Variants in AKAP6 observed in about 807,000 individuals in gnomAD.
AKAP6 encodes A-kinase anchoring protein 6, also known as A-kinase anchor protein 6.
Under a neutral mutation model 188.5 loss-of-function variants are expected in AKAP6, and 58 were observed. That is an observed-to-expected ratio of 0.31 (90% CI 0.25 to 0.38). The LOEUF (loss-of-function observed/expected upper bound fraction) is 0.38. Among genes scored for constraint, AKAP6 ranks in the 10% least tolerant of loss-of-function variants. AKAP6 has a pLI of 1.00. For missense variants in AKAP6, 2,710 were observed against 2,740.0 expected (o/e 0.99, Z 0.24); for synonymous variants, 989 against 998.6 (o/e 0.99, Z 0.18).
intron 7 of AKAP6, among the ~76,000 whole-genome samples, chr14:32,666,687 T>A (rs1236562504): frequency 6.6e-6 from 1 of 152,140 alleles, no homozygotes; most frequent in Admixed American, 6.6e-5. Context: ...ATCCTTAATA[T>A]AGAGTCTTAT....
chr14:32,531,554 A>G (rs1293614258), intron 2 of AKAP6, among the ~76,000 whole-genome samples: 4 of 152,208 alleles, frequency 2.6e-5, no homozygotes, highest in African/African-American at 4.8e-5. Context: ...AGCTTAACCC[A>G]TGTGTAGATT....
intron 1 of AKAP6, among the ~76,000 whole-genome samples, chr14:32,388,753 G>T (rs1888612352): frequency 6.6e-6 from 1 of 152,068 alleles, no homozygotes; most frequent in Non-Finnish European, 1.5e-5. Flanking sequence ...AATTTATTGA[G>T]GCTTGTTTTG....
At chr14:32,401,283 G>A (rs1403525515) in intron 1 of AKAP6, among the ~76,000 whole-genome samples, 1 of 152,174 alleles carries the variant, frequency 6.6e-6, no homozygotes, top group Non-Finnish European at 1.5e-5. Flanking sequence ...AAATTGAAAT[G>A]AGTCAGGGTT....
intron 2 of AKAP6, among the ~76,000 whole-genome samples, chr14:32,461,350 C>G (rs1016117772): frequency 5.3e-5 from 8 of 152,158 alleles, no homozygotes; most frequent in African/African-American, 1.7e-4. Context: ...AGGCCAGTGC[C>G]CCTCTGGGAC....
chr14:32,688,454 G>A (rs1890026330), intron 8 of AKAP6, among the ~76,000 whole-genome samples: 1 of 152,044 alleles, frequency 6.6e-6, no homozygotes, highest in South Asian at 2.1e-4. Flanking sequence ...AGTAAAGTAA[G>A]AAAATAAACA....
chr14:32,356,469 C>T (rs1887489111), intron 1 of AKAP6, among the ~76,000 whole-genome samples: 2 of 152,190 alleles, frequency 1.3e-5, no homozygotes, highest in Non-Finnish European at 2.9e-5. Context: ...CATCTCTCAT[C>T]TGCTCTGTGG....
At chr14:32,483,611 A>G (rs1284744929) in intron 2 of AKAP6, among the ~76,000 whole-genome samples, 1 of 152,036 alleles carries the variant, frequency 6.6e-6, no homozygotes, top group Non-Finnish European at 1.5e-5. Context: ...CAGCCTCCTG[A>G]GTAGCTGGGA....
At chr14:32,551,049 A>G (rs945172133) in intron 4 of AKAP6, among the ~76,000 whole-genome samples, 1 of 152,140 alleles carries the variant, frequency 6.6e-6, no homozygotes, top group Non-Finnish European at 1.5e-5. Context: ...TCCTACATGG[A>G]CTGTTCCCTG....
intron 3 of AKAP6, among the ~76,000 whole-genome samples, chr14:32,540,159 TCTCTC>T (rs1566563391): frequency 5.0e-5 from 6 of 119,068 alleles, no homozygotes; most frequent in African/African-American, 1.8e-4. Context: ...TCTCTCTCTC[TCTCTC>T]TCTCTATATA....
In AKAP6 at chr14:32,485,755, T is replaced by G. The variant is rs191708234; in HGVS notation, c.325-49799T>G. 1.1e-3 allele frequency among the ~76,000 whole-genome samples: 168 copies of G among 152,318 alleles called. 4 individuals carry two copies. In the East Asian group the frequency reaches 0.026, roughly 24 times the overall value. ...ATAGATTGCAAAATTTTTCTCCCAT[T>G]CTGTAGGTTGCCTGTTCACTCTGAT... On this transcript the variant is annotated intron_variant, in intron 2 of 13. Coordinates refer to ENST00000280979, the MANE Select transcript of AKAP6 (RefSeq NM_004274.5).
At chr14:32,587,337 C>T (rs185840455) in intron 5 of AKAP6, among the ~76,000 whole-genome samples, 67 of 152,114 alleles carry the variant, frequency 4.4e-4, no homozygotes, top group African/African-American at 1.3e-3. Context: ...TAAAAGCATA[C>T]GGATATCTCA....
Position 32,824,054 on chromosome 14 carries a change from G to A in AKAP6, c.6241G>A (p.Val2081Met). 1 of 1,613,902 alleles carries A rather than the reference G, an allele frequency of 6.2e-7. No individual in the cohort carries two copies. The highest frequency in any genetic ancestry group is 1.1e-5 in the South Asian group (1 of 91,074). Residue 2081 changes from valine (V) to methionine (M), a missense_variant, in exon 13 of 14, where the codon GTG (valine) becomes ATG (methionine). Transcript: ENST00000280979. The stretch of plus-strand genomic sequence containing the variant: ...AAGTAAATCTCAACCTGAAAACGAG[G>A]TGGCTGCTCCTACTTCATTAACTCA... ...LKSKSQPENE[V>M]AAPTSLTQIK...
intron 6 of AKAP6, 151 bp from the exon 7 acceptor site, chr14:32,600,478 T>C (rs1180058834): frequency 1.2e-6 from 1 of 862,374 alleles, no homozygotes; most frequent in East Asian, 2.9e-5. Flanking sequence ...GTCTCTATTC[T>C]GAGTGACAAA....
At chr14:32,347,045 G>A (rs989067634) in intron 1 of AKAP6, among the ~76,000 whole-genome samples, 7 of 152,196 alleles carry the variant, frequency 4.6e-5, no homozygotes, top group Admixed American at 2.6e-4. Flanking sequence ...TTGATAGATT[G>A]ATGAACTCTC....
chr14:32,598,271 A>G (rs1372594809), intron 5 of AKAP6, among the ~76,000 whole-genome samples: 1 of 152,194 alleles, frequency 6.6e-6, no homozygotes, highest in African/African-American at 2.4e-5. Context: ...AAACATATAT[A>G]TTTTGGAGAC....
intron 1 of AKAP6, among the ~76,000 whole-genome samples, chr14:32,375,153 C>T (rs1234724484): frequency 6.6e-6 from 1 of 151,958 alleles, no homozygotes; most frequent in Non-Finnish European, 1.5e-5. Flanking sequence ...GTTGATCACC[C>T]AAATGTGGGG....
intron 2 of AKAP6, among the ~76,000 whole-genome samples, chr14:32,532,261 T>A (rs1192420965): frequency 6.6e-6 from 1 of 152,240 alleles, no homozygotes; most frequent in African/African-American, 2.4e-5. Flanking sequence ...TTTTGTAATG[T>A]GTTTATTTGC....
chr14:32,708,264 T>G (rs953546841), intron 9 of AKAP6, among the ~76,000 whole-genome samples: 4 of 152,012 alleles, frequency 2.6e-5, no homozygotes, highest in African/African-American at 9.7e-5. Flanking sequence ...GAAAATTAGA[T>G]ACGACTTCAG....
rs886918279 is a variant in AKAP6 at position 32,832,428 on chromosome 14, C to T, written c.*2623C>T. ...TGATGTTCTACCTACTTGTTACATGCTCATGGAAGACCGTGCAGTATTGAA... is the reference window on the plus strand; with the variant it reads ...TGATGTTCTACCTACTTGTTACATGTTCATGGAAGACCGTGCAGTATTGAA... On this transcript the variant is annotated 3_prime_UTR_variant, in exon 14 of 14. Transcript: ENST00000280979. 6.6e-6 allele frequency: 1 copy of T among 152,168 alleles called. No homozygotes were observed. Among genetic ancestry groups the T allele is most frequent in the African/African-American group, 2.4e-5 (1 of 41,438 alleles). The allele number at this position is 152,168 out of a possible 1,614,324, so 9.4% of individuals were successfully genotyped here.
Sources: gnomAD v4.1 joint callset for allele counts (sites outside exome capture counted in the v4.1 genomes callset) on GRCh38, gnomAD v4.1.1 for gene constraint, MANE v1.5 for transcripts, NCBI Gene and HGNC (gene_info 2026-07-23, HGNC 2026-07-21) for gene names.